Variants in IKBKB observed in about 807,000 individuals in gnomAD.
IKBKB encodes inhibitor of nuclear factor kappa-B kinase subunit beta.
Under a neutral mutation model 113.6 loss-of-function variants are expected in IKBKB, and 42 were observed. The observed-to-expected ratio is 0.37, with a 90% CI of 0.29 to 0.48. The LOEUF (loss-of-function observed/expected upper bound fraction) is 0.48, where lower values mean the gene tolerates loss of function less well. Among genes scored for constraint, IKBKB ranks in the 20% least tolerant of loss-of-function variants. IKBKB has a pLI of 0.99. For synonymous variants in IKBKB, 296 were observed against 361.3 expected, an observed-to-expected ratio of 0.82 and a Z score of 2.05; for missense variants, 673 against 939.7, an observed-to-expected ratio of 0.72 and a Z score of 3.71.
chr8:42,322,236 G>A (rs752456942), intron 18 of IKBKB, 83 bp downstream of exon 18: 19 of 1,553,790 alleles, frequency 1.2e-5, no homozygotes, highest in African/African-American at 6.8e-5. Flanking sequence ...TCTCTGATTC[G>A]CTGGACCTCA....
intron 19 of IKBKB, among the ~76,000 whole-genome samples, chr8:42,323,140 T>C (rs983546316): frequency 1.3e-5 from 2 of 152,204 alleles, no homozygotes; most frequent in Non-Finnish European, 2.9e-5. Flanking sequence ...ACACTTGTCA[T>C]TGGATTTGAG....
chr8:42,305,277 T>C lies in IKBKB; in HGVS notation c.477+2T>C. 1 of 1,601,158 alleles carries C rather than the reference T, an allele frequency of 6.2e-7. No homozygotes were observed. The highest frequency in any genetic ancestry group is 8.6e-7 in the Non-Finnish European group (1 of 1,168,648). ...GTCCTGCAGCAAGGAGAACAGAGGGTAAGTGACCTCCTGGGACTGGGAAAG... is the reference window on the plus strand; with the variant it reads ...GTCCTGCAGCAAGGAGAACAGAGGGCAAGTGACCTCCTGGGACTGGGAAAG... On this transcript the variant is annotated splice_donor_variant, in intron 6 of 21. Transcript: ENST00000520810. LOFTEE classifies it high-confidence loss of function.
At chr8:42,278,253 C>T (rs1159177457) in intron 2 of IKBKB, among the ~76,000 whole-genome samples, 3 of 152,112 alleles carry the variant, frequency 2.0e-5, no homozygotes, top group African/African-American at 4.8e-5. Context: ...CCAGCGTGGC[C>T]GGAAGGGAGG....
At chr8:42,271,606 T>C (rs923825184) in intron 1 of IKBKB, 137 bp downstream of exon 1, 5 of 549,832 alleles carry the variant, frequency 9.1e-6, no homozygotes, top group Non-Finnish European at 1.6e-5. Context: ...CTTGTGCGGG[T>C]TGGAGTTCGG....
In IKBKB at chr8:42,271,523, C is replaced by T. The variant is rs925271310; in HGVS notation, c.-19+54C>T. ...GTGCCACCTGCAGGCCCCGCCGCCCCGCTGCCTGCAAGGCCCGGAAGACCC... is the reference window on the plus strand; with the variant it reads ...GTGCCACCTGCAGGCCCCGCCGCCCTGCTGCCTGCAAGGCCCGGAAGACCC... On this transcript the variant is annotated intron_variant, in intron 1 of 21. Transcript: ENST00000520810. 21 of 636,476 alleles carry T rather than the reference C, an allele frequency of 3.3e-5. No homozygotes were observed. In the African/African-American group the frequency reaches 3.9e-4, roughly 12 times the overall value. The allele number at this position is 636,476 out of a possible 1,614,324, so 39.4% of individuals were successfully genotyped here. A position where few individuals can be genotyped will look rare whatever the true frequency, so the allele number is the denominator to read the frequency against.
chr8:42,326,140 C>T (rs377065198), intron 20 of IKBKB, 43 bp downstream of exon 20: 85 of 1,610,170 alleles, frequency 5.3e-5, no homozygotes, highest in South Asian at 1.1e-4. Context: ...ATCAAGGGCA[C>T]GTCAGGAGAT....
rs189149554 is a variant in IKBKB, at chr8:42,312,685, C to T, written c.693-1637C>T. On this transcript the variant is annotated intron_variant, in intron 8 of 21. Transcript: ENST00000520810. ...CTAGCAGAGGCTTATTCCACACTTA[C>T]ATAATTAGAAAGTCTTGGAGCCCCC... 1.8e-4 allele frequency among the ~76,000 whole-genome samples: 27 copies of T among 152,332 alleles called. No individual in the cohort carries two copies. The East Asian group carries it at 3.3e-3, about 18-fold the overall frequency.
chr8:42,327,232 G>A (rs1202875227), intron 20 of IKBKB, among the ~76,000 whole-genome samples: 8 of 151,728 alleles, frequency 5.3e-5, no homozygotes, highest in Non-Finnish European at 1.0e-4. Context: ...TATGGCACGC[G>A]CTTGTAATCC....
At chr8:42,271,647 G>T in intron 1 of IKBKB, 178 bp downstream of exon 1, 1 of 542,094 alleles carries the variant, frequency 1.8e-6, no homozygotes, top group Non-Finnish European at 3.2e-6. Context: ...TCCCTGGGGT[G>T]GCTTCTTGGG....
intron 21 of IKBKB, chr8:42,330,330 G>A: frequency 1.0e-6 from 1 of 981,922 alleles, no homozygotes; most frequent in Non-Finnish European, 1.2e-6. Context: ...AAAAGGGTTT[G>A]GCTTTTTAAT....
chr8:42,323,972 C>T (rs1238434091), intron 19 of IKBKB, among the ~76,000 whole-genome samples: 5 of 152,168 alleles, frequency 3.3e-5, no homozygotes, highest in Non-Finnish European at 5.9e-5. Flanking sequence ...GAGTGAGAGC[C>T]GTTCAGGGCA....
chr8:42,306,994 G>A (rs555863348), intron 7 of IKBKB, among the ~76,000 whole-genome samples: 6 of 152,186 alleles, frequency 3.9e-5, no homozygotes, highest in Non-Finnish European at 7.3e-5. Context: ...GTGATGCAGT[G>A]GGGAAAAAAG....
At chr8:42,309,749 A>G (rs910049294) in intron 8 of IKBKB, 1 of 143,124 alleles carries the variant, frequency 7.0e-6, no homozygotes, top group Non-Finnish European at 1.5e-5. Flanking sequence ...AAAAAAGTTT[A>G]AAAAAAAAAA....
chr8:42,329,403 A>T (rs944101349), intron 21 of IKBKB, 189 bp downstream of exon 21: 10 of 1,012,918 alleles, frequency 9.9e-6, no homozygotes, highest in Non-Finnish European at 1.2e-5. Context: ...GCTCACTGCA[A>T]CCTCCGCTTC....
chr8:42,302,808 C>T (rs1815533725), intron 5 of IKBKB, among the ~76,000 whole-genome samples: 1 of 151,302 alleles, frequency 6.6e-6, no homozygotes, highest in African/African-American at 2.4e-5. Context: ...ATAAGAGATA[C>T]TCATCATGTA....
chr8:42,326,873 T>C (rs1820843317), intron 20 of IKBKB, among the ~76,000 whole-genome samples: 1 of 152,104 alleles, frequency 6.6e-6, no homozygotes. Context: ...GTGTTTTGTT[T>C]TGTTTGACAC....
Position 42,295,386 on chromosome 8 carries a change from C to T in IKBKB, c.388+1874C>T, listed in dbSNP as rs548842591. ...TGCCCATCTCAGCTTCCCAAAGTGC[C>T]GAGATTACAGGCATGAGCCACAGCA... On this transcript the variant is annotated intron_variant, in intron 5 of 21. Coordinates refer to ENST00000520810, the MANE Select transcript of IKBKB (RefSeq NM_001556.3). Among the ~76,000 whole-genome samples, 13 of 151,022 alleles carry T rather than the reference C, an allele frequency of 8.6e-5. No individual in the cohort carries two copies. In the South Asian group the frequency reaches 2.5e-3, roughly 29 times the overall value.
chr8:42,308,018 A>G lies in IKBKB; in HGVS notation c.568-883A>G, dbSNP rs78063748. On this transcript the variant is annotated intron_variant, in intron 7 of 21. Transcript: ENST00000520810. ...CTGCCGCCCCTTCTTCGGTCACCCC[A>G]GCGCTCTCTGCCTCAGCAGCAGCCA... Among the ~76,000 whole-genome samples, 682 of 152,266 alleles carry G rather than the reference A, an allele frequency of 4.5e-3. 11 individuals carry two copies. The highest frequency in any genetic ancestry group is 0.014 in the African/African-American group (591 of 41,556).
At chr8:42,278,500 A>T (rs999766931) in intron 2 of IKBKB, among the ~76,000 whole-genome samples, 6 of 152,140 alleles carry the variant, frequency 3.9e-5, no homozygotes, top group Admixed American at 3.9e-4. Flanking sequence ...AGCAGTTCTC[A>T]TGGAGTAGCT....
Sources: allele counts gnomAD v4.1 joint callset (sites outside exome capture counted in the v4.1 genomes callset), GRCh38; gene constraint gnomAD v4.1.1; transcripts MANE v1.5; gene names NCBI Gene and HGNC (gene_info 2026-07-23, HGNC 2026-07-21).